LRMDA: variants seen among roughly 807,000 people sequenced by gnomAD.
The protein encoded by LRMDA is leucine-rich melanocyte differentiation-associated protein.
A neutral mutation model predicts 29.8 loss-of-function variants in LRMDA; 18 were observed. The ratio of observed to expected loss-of-function variants is 0.60; its 90% CI spans 0.42 to 0.90. The LOEUF (loss-of-function observed/expected upper bound fraction) is 0.90, where lower values mean the gene tolerates loss of function less well. Ranked by LOEUF, LRMDA falls within the 40% of genes least tolerant of loss-of-function variation. LRMDA has a pLI of 0.00. For missense variants in LRMDA, 273 were observed against 273.9 expected, an observed-to-expected ratio of 1.00 and a Z score of 0.02; for synonymous variants, 125 against 109.4, an observed-to-expected ratio of 1.14 and a Z score of -0.89.
chr10:76,244,828 G>T (rs1431761148), intron 5 of LRMDA, among the ~76,000 whole-genome samples: 1 of 152,190 alleles, frequency 6.6e-6, no homozygotes, highest in East Asian at 1.9e-4. Flanking sequence ...TTTAGAGCAT[G>T]GCTGATTTAA....
At chr10:75,602,866 C>G (rs1840905166) in intron 2 of LRMDA, among the ~76,000 whole-genome samples, 1 of 152,058 alleles carries the variant, frequency 6.6e-6, no homozygotes, top group Admixed American at 6.6e-5. Flanking sequence ...AAAAGCCAAG[C>G]AATTTGTTGT....
chr10:75,831,394 G>A (rs778156154), intron 2 of LRMDA, among the ~76,000 whole-genome samples: 4 of 152,158 alleles, frequency 2.6e-5, no homozygotes, highest in Non-Finnish European at 4.4e-5. Flanking sequence ...TTGACTCCAT[G>A]TCTCACATCT....
chr10:76,434,303 T>C (rs1842221954), intron 6 of LRMDA, among the ~76,000 whole-genome samples: 1 of 152,018 alleles, frequency 6.6e-6, no homozygotes. Flanking sequence ...ATCTCTTTTT[T>C]TCTCTCTCTC....
intron 2 of LRMDA, among the ~76,000 whole-genome samples, chr10:75,690,036 A>T (rs1415752623): frequency 6.6e-6 from 1 of 152,162 alleles, no homozygotes; most frequent in African/African-American, 2.4e-5. Flanking sequence ...ACATAACTGG[A>T]TCAGTGGTGT....
intron 6 of LRMDA, among the ~76,000 whole-genome samples, chr10:76,389,524 A>G (rs1841698530): frequency 6.6e-6 from 1 of 152,208 alleles, no homozygotes; most frequent in African/African-American, 2.4e-5. Context: ...TGTACAGTTC[A>G]GTGGCGTTAA....
intron 5 of LRMDA, among the ~76,000 whole-genome samples, chr10:76,070,356 G>T (rs750977463): frequency 6.6e-6 from 1 of 152,202 alleles, no homozygotes; most frequent in Non-Finnish European, 1.5e-5. Flanking sequence ...TTGCAGTTCT[G>T]AAGTCCAGAA....
intron 6 of LRMDA, among the ~76,000 whole-genome samples, chr10:76,468,965 C>T (rs1188374567): frequency 6.6e-6 from 1 of 152,150 alleles, no homozygotes; most frequent in Non-Finnish European, 1.5e-5. Context: ...AGCTCTGTGA[C>T]CTGCTCCCCA....
At chr10:75,918,894 G>T (rs1370837666) in intron 2 of LRMDA, among the ~76,000 whole-genome samples, 1 of 151,290 alleles carries the variant, frequency 6.6e-6, no homozygotes, top group Non-Finnish European at 1.5e-5. Flanking sequence ...TGTGTGTGAA[G>T]AAAAAAAAAG....
chr10:75,972,087 G>A (rs530537874), intron 2 of LRMDA, among the ~76,000 whole-genome samples: 88 of 152,256 alleles, frequency 5.8e-4, no homozygotes, highest in African/African-American at 2.0e-3. Context: ...TGGATGTATC[G>A]CTTCAGCTGT....
intron 2 of LRMDA, among the ~76,000 whole-genome samples, chr10:75,732,793 A>G (rs1487524243): frequency 6.6e-6 from 1 of 152,206 alleles, no homozygotes; most frequent in East Asian, 1.9e-4. Context: ...CTGGATACCC[A>G]CAGTGGAACT....
At chr10:76,027,250 A>G (rs767713538) in intron 2 of LRMDA, among the ~76,000 whole-genome samples, 10 of 152,186 alleles carry the variant, frequency 6.6e-5, no homozygotes, top group Admixed American at 2.6e-4. Context: ...GTGGATTGGG[A>G]TCAGATTTGC....
chr10:76,422,309 T>G (rs1161491099), intron 6 of LRMDA, among the ~76,000 whole-genome samples: 1 of 152,128 alleles, frequency 6.6e-6, no homozygotes, highest in Non-Finnish European at 1.5e-5. Flanking sequence ...AGGTCGTCAC[T>G]GCCTTAGTAA....
intron 2 of LRMDA, among the ~76,000 whole-genome samples, chr10:75,527,272 T>A (rs1418318695): frequency 6.6e-6 from 1 of 152,232 alleles, no homozygotes; most frequent in African/African-American, 2.4e-5. Flanking sequence ...TTATCCATTA[T>A]ACATTTAACA....
At chr10:75,606,197 C>G (rs1840954589) in intron 2 of LRMDA, among the ~76,000 whole-genome samples, 1 of 151,468 alleles carries the variant, frequency 6.6e-6, no homozygotes, top group African/African-American at 2.5e-5. Flanking sequence ...AAGTTCACTG[C>G]TGGTAACTCC....
rs761602632 is a variant in LRMDA at position 76,423,537 on chromosome 10, G to A, written c.601+99052G>A. 1.3e-3 allele frequency among the ~76,000 whole-genome samples: 195 copies of A among 152,174 alleles called. 1 individual carries two copies. The highest frequency in any genetic ancestry group is 2.1e-3 in the Non-Finnish European group (141 of 68,030). ...ATACCCTTTCATAAGGTTGTTGGCT[G>A]GGTTGTATGAAGTCATTCATGTGAT... is the stretch of plus-strand genomic sequence containing the variant. On this transcript the variant is annotated intron_variant, in intron 6 of 6. Transcript: ENST00000611255.
At chr10:75,762,272 C>T (rs1405176044) in intron 2 of LRMDA, among the ~76,000 whole-genome samples, 2 of 152,250 alleles carry the variant, frequency 1.3e-5, no homozygotes, top group African/African-American at 4.8e-5. Flanking sequence ...GTCCAACTCA[C>T]AGCCCATGGG....
intron 1 of LRMDA, among the ~76,000 whole-genome samples, chr10:75,436,477 T>C (rs1007030575): frequency 6.6e-6 from 1 of 151,992 alleles, no homozygotes; most frequent in Non-Finnish European, 1.5e-5. Flanking sequence ...CTGAATTTTT[T>C]TTTTTTTTTG....
chr10:76,536,068 C>A (rs368555001), intron 6 of LRMDA: 2 of 152,160 alleles, frequency 1.3e-5, no homozygotes, highest in East Asian at 3.9e-4. Context: ...TGAGTCACTG[C>A]ACCTGGCATA....
rs1351257680 is a variant in LRMDA, at chr10:76,145,685, T to G, written c.516+86902T>G. Among the ~76,000 whole-genome samples, 5 of 152,046 alleles carry G rather than the reference T, an allele frequency of 3.3e-5. No individual in the cohort carries two copies. In the East Asian group the frequency reaches 5.8e-4, roughly 18 times the overall value. On this transcript the variant is annotated intron_variant, in intron 5 of 6. Coordinates refer to ENST00000611255, the MANE Select transcript of LRMDA (RefSeq NM_001305581.2). ...TTTTGAAGGTATTTTTGTGTCTCTA[T>G]TTCCTTCAGTTCTGCTCTGATCTTA...
Sources: allele counts gnomAD v4.1 joint callset (sites outside exome capture counted in the v4.1 genomes callset), GRCh38; gene constraint gnomAD v4.1.1; transcripts MANE v1.5; gene names NCBI Gene and HGNC (gene_info 2026-07-23, HGNC 2026-07-21).